TLL2: variants seen among roughly 807,000 people sequenced by gnomAD.
The protein encoded by TLL2 is tolloid like 2.
TLL2 carries 106 observed loss-of-function variants against 123.0 expected under a neutral mutation model. That is an observed-to-expected ratio of 0.86 (90% confidence interval 0.74 to 1.01). The LOEUF (loss-of-function observed/expected upper bound fraction) is 1.01. Among genes scored for constraint, TLL2 ranks in the 50% least tolerant of loss-of-function variants. The pLI is 0.00. For synonymous variants in TLL2, 494 were observed against 516.8 expected (o/e 0.96, Z 0.60); for missense variants, 1,332 against 1,336.7 (o/e 1.00, Z 0.06).
intron 17 of TLL2, 122 bp from the exon 18 acceptor site, chr10:96,376,941 G>T: frequency 1.1e-6 from 1 of 940,600 alleles, no homozygotes; most frequent in Non-Finnish European, 1.5e-6. Flanking sequence ...ATCAAATATG[G>T]GGGTGGGGTA....
intron 1 of TLL2, among the ~76,000 whole-genome samples, chr10:96,501,213 T>A (rs747905616): frequency 6.6e-6 from 1 of 152,232 alleles, no homozygotes; most frequent in Non-Finnish European, 1.5e-5. Context: ...AAGGAAAACA[T>A]TTCATGTTAA....
chr10:96,405,045 T>A (rs1846436330), intron 10 of TLL2, among the ~76,000 whole-genome samples, 187 bp downstream of exon 10: 1 of 152,162 alleles, frequency 6.6e-6, no homozygotes, highest in African/African-American at 2.4e-5. Context: ...AATTGCTGGG[T>A]CAAAGGGTAT....
intron 8 of TLL2, among the ~76,000 whole-genome samples, chr10:96,411,868 T>G (rs1846510477): frequency 6.6e-6 from 1 of 152,164 alleles, no homozygotes; most frequent in South Asian, 2.1e-4. Context: ...TGTCGGGGCT[T>G]CAATATCACA....
Position 96,446,079 on chromosome 10 carries a change from G to A in TLL2, c.364+12C>T, listed in dbSNP as rs376454055. 6.2e-7 allele frequency: 1 copy of A among 1,613,960 alleles called. No homozygotes were observed. The stretch of plus-strand genomic sequence containing the variant: ...ACAAGGTACCCAAAGACCTGGTGAG[G>A]GCTCACATTACCCTTTCCAGCTTCC... On this transcript the variant is annotated intron_variant, in intron 3 of 20. Transcript: ENST00000357947.
chr10:96,440,177 C>T (rs1846837455), intron 3 of TLL2, among the ~76,000 whole-genome samples: 1 of 152,220 alleles, frequency 6.6e-6, no homozygotes, highest in Non-Finnish European at 1.5e-5. Context: ...CCCTAAACTA[C>T]AAATTGCATC....
intron 1 of TLL2, among the ~76,000 whole-genome samples, chr10:96,506,132 A>T (rs142572060): frequency 0.018 from 2,741 of 151,700 alleles, 79 homozygotes; most frequent in African/African-American, 0.063. Flanking sequence ...GGCGTCTGTA[A>T]TCCCAGCTAC....
chr10:96,411,141 G>A (rs575551056), intron 8 of TLL2, among the ~76,000 whole-genome samples: 248 of 151,962 alleles, frequency 1.6e-3, no homozygotes, highest in Middle Eastern at 3.4e-3. Flanking sequence ...TACTTGGGAG[G>A]CTGAGGCAGA....
chr10:96,372,844 A>G (rs1846096902), intron 19 of TLL2, among the ~76,000 whole-genome samples: 1 of 152,012 alleles, frequency 6.6e-6, no homozygotes, highest in African/African-American at 2.4e-5. Flanking sequence ...ACGCCTCGCT[A>G]TGTTTTCTAG....
chr10:96,449,615 T>C (rs1846935002), intron 2 of TLL2, among the ~76,000 whole-genome samples: 1 of 152,192 alleles, frequency 6.6e-6, no homozygotes, highest in Non-Finnish European at 1.5e-5. Context: ...AACCCTTCCA[T>C]GGCTCCCCCC....
intron 3 of TLL2, among the ~76,000 whole-genome samples, chr10:96,435,360 T>A (rs1316418665): frequency 1.3e-5 from 2 of 152,210 alleles, no homozygotes; most frequent in South Asian, 2.1e-4. Context: ...ATATTCTAAA[T>A]ACCAGGCTCT....
intron 8 of TLL2, 37 bp from the exon 9 acceptor site, chr10:96,410,511 G>A: frequency 6.4e-7 from 1 of 1,551,298 alleles, no homozygotes; most frequent in Non-Finnish European, 8.9e-7. Flanking sequence ...TGTGGCATAT[G>A]CACCTCTCCC....
chr10:96,428,731 A>G lies in TLL2; in HGVS notation c.538T>C (p.Phe180Leu). The change falls in exon 5 of 21, where the codon TTT (phenylalanine) becomes CTT (leucine). Residue 180 changes from phenylalanine (F) to leucine (L), a missense_variant. Coordinates refer to ENST00000357947, the MANE Select transcript of TLL2 (RefSeq NM_012465.4). ...GNFTGSQRAI[F>L]KQAMRHWEKH... ...TCCCAGTGTCTCATGGCCTGCTTAAAAATGGCCCTCTGGCTCCCTGAAACA... is the reference window on the plus strand; with the variant it reads ...TCCCAGTGTCTCATGGCCTGCTTAAGAATGGCCCTCTGGCTCCCTGAAACA... The G allele has an allele frequency of 6.2e-7, 1 of 1,613,398 alleles. No homozygotes were observed. Among genetic ancestry groups the G allele is most frequent in the Non-Finnish European group, 8.5e-7 (1 of 1,179,638 alleles).
intron 1 of TLL2, among the ~76,000 whole-genome samples, chr10:96,496,481 G>C (rs1356373621): frequency 6.6e-6 from 1 of 152,208 alleles, no homozygotes. Context: ...TGCTTCTCAA[G>C]AGAACACACA....
intron 1 of TLL2, among the ~76,000 whole-genome samples, chr10:96,508,567 T>A (rs1450317075): frequency 2.0e-5 from 3 of 152,146 alleles, no homozygotes; most frequent in Non-Finnish European, 4.4e-5. Flanking sequence ...CACTGAAAAG[T>A]GAAGCTGGCT....
intron 4 of TLL2, among the ~76,000 whole-genome samples, chr10:96,432,455 AG>A (rs1338257621): frequency 6.6e-6 from 1 of 152,154 alleles, no homozygotes; most frequent in Non-Finnish European, 1.5e-5. Flanking sequence ...GGCAGAGGAC[AG>A]GGAAGCCAAC....
intron 1 of TLL2, among the ~76,000 whole-genome samples, chr10:96,509,144 C>A (rs1227749618): frequency 6.6e-6 from 1 of 152,206 alleles, no homozygotes; most frequent in Non-Finnish European, 1.5e-5. Context: ...CAGCCAGACA[C>A]ATGAGCGAAT....
chr10:96,492,209 C>T (rs1355374654), intron 1 of TLL2, among the ~76,000 whole-genome samples: 3 of 148,426 alleles, frequency 2.0e-5, no homozygotes, highest in African/African-American at 7.5e-5. Flanking sequence ...TGTCCCCTTT[C>T]TATAGAAGGG....
Position 96,446,172 on chromosome 10 carries a change from G to A in TLL2, c.287-4C>T. ...GATGCCTGCTCTTCAAGCCCACCTA[G>A]AGGAATGGAGAAGAAAGAGGCATGA... On this transcript the variant is annotated splice_polypyrimidine_tract_variant and splice_region_variant and intron_variant, in intron 2 of 20. Coordinates refer to ENST00000357947, the MANE Select transcript of TLL2 (RefSeq NM_012465.4). The A allele has an allele frequency of 6.2e-7, 1 of 1,614,002 alleles. No individual in the cohort carries two copies. Among genetic ancestry groups the A allele is most frequent in the East Asian group, 2.2e-5 (1 of 44,886 alleles).
At chr10:96,459,737 C>A (rs2134093861) in intron 2 of TLL2, among the ~76,000 whole-genome samples, 9 of 50,714 alleles carry the variant, frequency 1.8e-4, no homozygotes, top group South Asian at 1.5e-3. Flanking sequence ...TATATAGCAG[C>A]TAAAATGAAA....
Sources: allele counts gnomAD v4.1 joint callset (sites outside exome capture counted in the v4.1 genomes callset), GRCh38; gene constraint gnomAD v4.1.1; transcripts MANE v1.5; gene names NCBI Gene and HGNC (gene_info 2026-07-23, HGNC 2026-07-21).